Variants in PTPRD observed in about 807,000 individuals in gnomAD.
PTPRD encodes the protein receptor-type tyrosine-protein phosphatase delta.
In PTPRD, 34 loss-of-function variants were observed where a neutral mutation model predicts 214.5. The observed-to-expected ratio is 0.16, with a 90% CI of 0.12 to 0.21. PTPRD has a LOEUF of 0.21. Ranked by LOEUF, PTPRD falls within the 10% of genes least tolerant of loss-of-function variation. The pLI, the probability that PTPRD is intolerant of heterozygous loss-of-function variation, is 1.00. For synonymous variants in PTPRD, 1,128 were observed against 845.7 expected (o/e 1.33, Z -5.79); for missense variants, 2,545 against 2,398.7 (o/e 1.06, Z -1.27).
At chr9:9,635,126 A>G (rs879556479) in intron 7 of PTPRD, among the ~76,000 whole-genome samples, 1 of 152,192 alleles carries the variant, frequency 6.6e-6, no homozygotes, top group African/African-American at 2.4e-5. Context: ...GCTAAGAAGG[A>G]CATCTGTAGC....
Position 9,377,167 on chromosome 9 carries a change from ATAAAC to A in PTPRD, c.-203+20277_-203+20281del, listed in dbSNP as rs1475898538. 4.6e-5 allele frequency among the ~76,000 whole-genome samples: 7 copies of A among 152,248 alleles called. No individual in the cohort carries two copies. In the South Asian group the frequency reaches 6.2e-4, roughly 14 times the overall value. ...ACATCCAGTTATAAGGTTTTTATGC[ATAAAC>A]TAATCATGTATGCAAATACATGTCC... On this transcript the variant is annotated intron_variant, in intron 9 of 45. Transcript: ENST00000381196.
At chr9:10,139,898 T>C (rs1198278837) in intron 3 of PTPRD, among the ~76,000 whole-genome samples, 1 of 152,094 alleles carries the variant, frequency 6.6e-6, no homozygotes, top group African/African-American at 2.4e-5. Context: ...TTATGACAGA[T>C]TAATGACTTA....
At chr9:9,837,286 G>C (rs889067637) in intron 5 of PTPRD, among the ~76,000 whole-genome samples, 1 of 152,118 alleles carries the variant, frequency 6.6e-6, no homozygotes, top group African/African-American at 2.4e-5. Flanking sequence ...GAAAATATGG[G>C]ACTATTCTTT....
chr9:8,470,948 C>A (rs2134922173), intron 31 of PTPRD, 47 bp downstream of exon 31: 1 of 1,529,732 alleles, frequency 6.5e-7, no homozygotes, highest in Non-Finnish European at 9.1e-7. Flanking sequence ...GGAAATGCAG[C>A]AGATTAAATA....
chr9:8,934,251 AC>A (rs2098973380), intron 11 of PTPRD, among the ~76,000 whole-genome samples: 1 of 150,574 alleles, frequency 6.6e-6, no homozygotes, highest in African/African-American at 2.4e-5. Flanking sequence ...CATGAAAATA[AC>A]ATAAAATTAA....
chr9:9,244,559 G>A (rs911378886), intron 9 of PTPRD, among the ~76,000 whole-genome samples: 1 of 152,146 alleles, frequency 6.6e-6, no homozygotes, highest in Non-Finnish European at 1.5e-5. Context: ...TTTAACAAAT[G>A]GTTATGGGAA....
Position 10,012,376 on chromosome 9 carries a change from G to A in PTPRD, c.-472+21342C>T, listed in dbSNP as rs1011205847. Reference sequence around the variant, plus strand: ...AAAAGCAGATGGAAAAAAAAATCGTGTTTTCCACTGTTCCTTTGAGTACTA... The same window carrying A: ...AAAAGCAGATGGAAAAAAAAATCGTATTTTCCACTGTTCCTTTGAGTACTA... On this transcript the variant is annotated intron_variant, in intron 4 of 45. Coordinates refer to ENST00000381196, the MANE Select transcript of PTPRD (RefSeq NM_002839.4). 5.9e-5 allele frequency among the ~76,000 whole-genome samples: 9 copies of A among 151,922 alleles called. 1 individual carries two copies. Among genetic ancestry groups the A allele is most frequent in the Admixed American group, 5.9e-4 (9 of 15,230 alleles).
chr9:10,190,387 A>AAAC, intron 3 of PTPRD, among the ~76,000 whole-genome samples: 1 of 6,318 alleles, frequency 1.6e-4, no homozygotes, highest in South Asian at 7.2e-3. Flanking sequence ...CTATCTCCAG[A>AAAC]AAAAAAAAAA....
intron 3 of PTPRD, among the ~76,000 whole-genome samples, chr9:10,191,502 T>C (rs531858589): frequency 1.2e-4 from 18 of 152,268 alleles, no homozygotes; most frequent in African/African-American, 4.3e-4. Flanking sequence ...AGGGAAAAAA[T>C]GCCTGCAATT....
chr9:10,475,330 A>T (rs2131881678), intron 2 of PTPRD, among the ~76,000 whole-genome samples: 1 of 152,290 alleles, frequency 6.6e-6, no homozygotes, highest in East Asian at 1.9e-4. Context: ...CAGAAATAGA[A>T]ACTACCAACA....
At chr9:9,931,480 A>T (rs934216253) in intron 5 of PTPRD, among the ~76,000 whole-genome samples, 2 of 152,186 alleles carry the variant, frequency 1.3e-5, no homozygotes, top group Non-Finnish European at 2.9e-5. Flanking sequence ...GCACCTGGAA[A>T]ATCGGGTCGC....
intron 11 of PTPRD, among the ~76,000 whole-genome samples, chr9:8,919,840 G>GTGCA (rs2098813380): frequency 6.9e-6 from 1 of 145,084 alleles, no homozygotes; most frequent in Admixed American, 6.9e-5. Flanking sequence ...GCATACATAC[G>GTGCA]TGCATGTATC....
In PTPRD at chr9:10,088,137, G is replaced by C. The variant is rs143630493; in HGVS notation, c.-544-54347C>G. ...TTTGTAGTAAGAAAAAACATTATTA[G>C]CAAACTTGCTGTTAGAGACAGCCAT... On this transcript the variant is annotated intron_variant, in intron 3 of 45. Coordinates refer to ENST00000381196, the MANE Select transcript of PTPRD (RefSeq NM_002839.4). Among the ~76,000 whole-genome samples, 1,279 of 151,760 alleles carry C rather than the reference G, an allele frequency of 8.4e-3. 16 individuals are homozygous for C. The highest frequency in any genetic ancestry group is 0.029 in the African/African-American group (1,217 of 41,476).
At chr9:9,842,291 G>A (rs1403514278) in intron 5 of PTPRD, among the ~76,000 whole-genome samples, 3 of 142,720 alleles carry the variant, frequency 2.1e-5, no homozygotes, top group African/African-American at 7.6e-5. Context: ...GTCTACTGAA[G>A]GAGAGCATTT....
At chr9:8,884,318 C>A (rs944883090) in intron 11 of PTPRD, among the ~76,000 whole-genome samples, 3 of 152,194 alleles carry the variant, frequency 2.0e-5, no homozygotes, top group African/African-American at 7.2e-5. Flanking sequence ...GCTCGATTGC[C>A]TGTTGCTGTT....
chr9:9,888,581 G>A (rs1219731935), intron 5 of PTPRD, among the ~76,000 whole-genome samples: 1 of 152,046 alleles, frequency 6.6e-6, no homozygotes, highest in African/African-American at 2.4e-5. Flanking sequence ...TTAAAAATAG[G>A]CTGGCAATTC....
At chr9:10,274,325 T>G (rs2094566489) in intron 3 of PTPRD, among the ~76,000 whole-genome samples, 1 of 152,166 alleles carries the variant, frequency 6.6e-6, no homozygotes, top group Admixed American at 6.5e-5. Context: ...GGGTTATAGC[T>G]AACAAGTGAC....
At position 9,370,303 on chromosome 9, in the gene PTPRD, G is replaced by A. The variant is rs1181933990; in HGVS notation, c.-203+27146C>T. Among the ~76,000 whole-genome samples, 3 of 151,994 alleles carry A rather than the reference G, an allele frequency of 2.0e-5. No homozygotes were observed. The East Asian group carries it at 5.8e-4, about 29-fold the overall frequency. Reference sequence around the variant, plus strand: ...TTATTTCCCTGAGCAGTGGTTTGTAGTTCTCCTTGAAGAGGTCCTTCACAT... The same window carrying A: ...TTATTTCCCTGAGCAGTGGTTTGTAATTCTCCTTGAAGAGGTCCTTCACAT... On this transcript the variant is annotated intron_variant, in intron 9 of 45. Coordinates refer to ENST00000381196, the MANE Select transcript of PTPRD (RefSeq NM_002839.4).
chr9:9,938,330 G>T (rs1277708986), intron 5 of PTPRD, among the ~76,000 whole-genome samples, 177 bp downstream of exon 5: 1 of 152,140 alleles, frequency 6.6e-6, no homozygotes, highest in East Asian at 1.9e-4. Flanking sequence ...TATATGCATT[G>T]ACCTAAAGAC....
Sources: allele counts gnomAD v4.1 joint callset (sites outside exome capture counted in the v4.1 genomes callset), GRCh38; gene constraint gnomAD v4.1.1; transcripts MANE v1.5; gene names NCBI Gene and HGNC (gene_info 2026-07-23, HGNC 2026-07-21).